Variants in DOCK3 observed in about 807,000 individuals in gnomAD.
DOCK3 encodes the protein dedicator of cytokinesis 3.
DOCK3 carries 60 observed loss-of-function variants against 265.6 expected under a neutral mutation model. The ratio of observed to expected loss-of-function variants is 0.23; its 90% CI spans 0.18 to 0.28. The LOEUF is 0.28. Among genes scored for constraint, DOCK3 ranks in the 10% least tolerant of loss-of-function variants. The pLI, the probability that DOCK3 is intolerant of heterozygous loss-of-function variation, is 1.00. For synonymous variants in DOCK3, 881 were observed against 938.0 expected, an observed-to-expected ratio of 0.94 and a Z score of 1.11; for missense variants, 1,981 against 2,594.3, an observed-to-expected ratio of 0.76 and a Z score of 5.14.
chr3:51,358,175 C>T (rs919369254), intron 46 of DOCK3, 98 bp downstream of exon 46: 118 of 1,273,520 alleles, frequency 9.3e-5, no homozygotes, highest in Non-Finnish European at 1.4e-5. Flanking sequence ...GAGAGGGAGC[C>T]TGGGCAGGGG....
intron 2 of DOCK3, among the ~76,000 whole-genome samples, chr3:50,841,388 G>A (rs1250353675): frequency 3.3e-5 from 5 of 152,186 alleles, no homozygotes; most frequent in African/African-American, 9.7e-5. Flanking sequence ...ACACCTTTAT[G>A]TAGGAATTTT....
intron 38 of DOCK3, among the ~76,000 whole-genome samples, chr3:51,341,705 T>G (rs1359143052): frequency 6.6e-6 from 1 of 152,252 alleles, no homozygotes; most frequent in Non-Finnish European, 1.5e-5. Flanking sequence ...TTATTGGATT[T>G]ACTTAAAGAA....
chr3:50,798,893 T>C (rs939997884), intron 2 of DOCK3, among the ~76,000 whole-genome samples: 7 of 152,202 alleles, frequency 4.6e-5, no homozygotes, highest in African/African-American at 1.4e-4. Context: ...TCAGTTGATT[T>C]TTGTATAGAG....
At chr3:51,284,932 A>G (rs929640315) in intron 27 of DOCK3, among the ~76,000 whole-genome samples, 5 of 152,202 alleles carry the variant, frequency 3.3e-5, no homozygotes, top group African/African-American at 1.2e-4. Flanking sequence ...TTTGCAACAG[A>G]TCCTCTTCCC....
chr3:50,948,451 T>A (rs1199381306), intron 5 of DOCK3, among the ~76,000 whole-genome samples: 1 of 140,586 alleles, frequency 7.1e-6, no homozygotes, highest in Non-Finnish European at 1.5e-5. Context: ...ACTCCCAGGC[T>A]GGAATGCAGT....
chr3:51,336,797 T>C (rs1364985884), intron 35 of DOCK3: 1 of 447,138 alleles, frequency 2.2e-6, no homozygotes, highest in East Asian at 7.0e-5. Flanking sequence ...GACTTAGCTA[T>C]GAAGTTCTGG....
At chr3:51,129,628 T>G (rs2084422186) in intron 9 of DOCK3, among the ~76,000 whole-genome samples, 1 of 152,162 alleles carries the variant, frequency 6.6e-6, no homozygotes, top group Non-Finnish European at 1.5e-5. Flanking sequence ...TAACCCATAG[T>G]CAAACGTTCA....
At chr3:50,770,695 T>C (rs1371707769) in intron 1 of DOCK3, among the ~76,000 whole-genome samples, 1 of 152,168 alleles carries the variant, frequency 6.6e-6, no homozygotes, top group Non-Finnish European at 1.5e-5. Flanking sequence ...CAGATTATGC[T>C]ACATATAGAC....
intron 5 of DOCK3, among the ~76,000 whole-genome samples, chr3:51,040,068 C>T (rs1167854836): frequency 6.6e-6 from 1 of 152,000 alleles, no homozygotes; most frequent in Non-Finnish European, 1.5e-5. Context: ...CTACTTTTCT[C>T]AATATGATAA....
intron 4 of DOCK3, among the ~76,000 whole-genome samples, chr3:50,899,105 G>A (rs2049045041): frequency 2.0e-5 from 3 of 152,072 alleles, no homozygotes; most frequent in Admixed American, 6.6e-5. Flanking sequence ...TTATTGTGTG[G>A]GAGTCTAAGT....
chr3:50,878,924 G>A (rs1420577553), intron 3 of DOCK3, among the ~76,000 whole-genome samples: 5 of 152,164 alleles, frequency 3.3e-5, no homozygotes, highest in Non-Finnish European at 7.3e-5. Context: ...ACTAACAGCA[G>A]ATCTCTCGGC....
chr3:50,996,074 A>C (rs1354938543), intron 5 of DOCK3, among the ~76,000 whole-genome samples: 1 of 150,758 alleles, frequency 6.6e-6, no homozygotes, highest in Non-Finnish European at 1.5e-5. Flanking sequence ...GGGTTTCACC[A>C]TGTTGGCCAG....
intron 43 of DOCK3, 65 bp from the exon 44 acceptor site, chr3:51,356,897 T>G: frequency 6.6e-7 from 1 of 1,511,736 alleles, no homozygotes; most frequent in South Asian, 1.3e-5. Flanking sequence ...AGACCCCAGC[T>G]CTCAGGAAGA....
intron 32 of DOCK3, among the ~76,000 whole-genome samples, chr3:51,326,944 G>T (rs528778507): frequency 1.3e-5 from 2 of 152,004 alleles, no homozygotes; most frequent in East Asian, 1.9e-4. Context: ...AGCAACTCAG[G>T]TTCATTCCAA....
In DOCK3 at chr3:51,036,380, TTA is replaced by T. The variant is rs535371005; in HGVS notation, c.316-28066_316-28065del. On this transcript the variant is annotated intron_variant, in intron 5 of 52. Coordinates refer to ENST00000266037, the MANE Select transcript of DOCK3 (RefSeq NM_004947.5). ...TAATATAGTCAATCTTTCATAAAAT[TTA>T]TCTTTCCTGTTAATTTCTGATTGTA... Among the ~76,000 whole-genome samples, 13 of 152,282 alleles carry T rather than the reference TTA, an allele frequency of 8.5e-5. 1 individual carries two copies. In the South Asian group the frequency reaches 2.7e-3, roughly 32 times the overall value.
chr3:51,366,872 T>G (rs1361496645), intron 49 of DOCK3, among the ~76,000 whole-genome samples: 3 of 152,190 alleles, frequency 2.0e-5, no homozygotes, highest in Admixed American at 6.5e-5. Flanking sequence ...TATAATTTCT[T>G]TTCTTTTACA....
intron 20 of DOCK3, 122 bp from the exon 21 acceptor site, chr3:51,237,368 G>A (rs1471908742): frequency 5.3e-6 from 4 of 753,596 alleles, no homozygotes; most frequent in Non-Finnish European, 6.6e-6. Flanking sequence ...CTACCCATGG[G>A]GAATGCTAGA....
chr3:51,023,194 G>A (rs2079667502), intron 5 of DOCK3, among the ~76,000 whole-genome samples: 1 of 151,390 alleles, frequency 6.6e-6, no homozygotes, highest in African/African-American at 2.4e-5. Context: ...GTTATTCTTA[G>A]GTTTGGCCAT....
chr3:51,326,878 A>C (rs1241329626), intron 32 of DOCK3, among the ~76,000 whole-genome samples: 1 of 151,924 alleles, frequency 6.6e-6, no homozygotes, highest in South Asian at 2.1e-4. Flanking sequence ...ACCTGCCTCC[A>C]TCTCCCAAAG....
Sources: allele counts gnomAD v4.1 joint callset (sites outside exome capture counted in the v4.1 genomes callset), GRCh38; gene constraint gnomAD v4.1.1; transcripts MANE v1.5; gene names NCBI Gene and HGNC (gene_info 2026-07-23, HGNC 2026-07-21).